Variants in NALF1 observed in about 807,000 individuals in gnomAD.
NALF1 encodes the protein NALCN channel auxiliary factor 1.
Under a neutral mutation model 48.4 loss-of-function variants are expected in NALF1, and 3 were observed. The ratio of observed to expected loss-of-function variants is 0.06; its 90% CI spans 0.03 to 0.16. NALF1 has a LOEUF of 0.16. NALF1 is among the 10% of genes least tolerant of loss of function. The pLI is 1.00. For synonymous variants in NALF1, 262 were observed against 245.7 expected (o/e 1.07, Z -0.62); for missense variants, 526 against 571.5 (o/e 0.92, Z 0.81).
intron 1 of NALF1, among the ~76,000 whole-genome samples, chr13:107,489,627 G>A (rs1251423660): frequency 2.6e-5 from 4 of 152,050 alleles, no homozygotes; most frequent in Non-Finnish European, 5.9e-5. Flanking sequence ...AACTCCAGAT[G>A]GATTAAAGGC....
intron 1 of NALF1, among the ~76,000 whole-genome samples, chr13:107,656,612 G>T (rs142438676): frequency 8.5e-4 from 130 of 152,258 alleles, no homozygotes; most frequent in African/African-American, 3.0e-3. Context: ...ATTCCTTAAA[G>T]AACTAAAAGT....
intron 1 of NALF1, among the ~76,000 whole-genome samples, chr13:107,818,786 G>C (rs1443221155): frequency 1.0e-4 from 14 of 138,288 alleles, no homozygotes; most frequent in African/African-American, 3.9e-4. Context: ...GCAGGAGAAT[G>C]ACGTGAACCC....
At chr13:107,369,116 G>T (rs9587364) in intron 1 of NALF1, among the ~76,000 whole-genome samples, 60,340 of 151,938 alleles carry the variant, frequency 0.4, 12,453 homozygotes, top group East Asian at 0.51. Flanking sequence ...ACTTTTCTTC[G>T]GAATTTCCAT....
intron 1 of NALF1, among the ~76,000 whole-genome samples, chr13:107,823,228 GTTC>G (rs1406644954): frequency 6.6e-6 from 1 of 152,196 alleles, no homozygotes; most frequent in Non-Finnish European, 1.5e-5. Context: ...TCTCTGCGGA[GTTC>G]TTCTTCAACA....
intron 1 of NALF1, among the ~76,000 whole-genome samples, chr13:107,753,506 T>C (rs2138554717): frequency 6.6e-6 from 1 of 152,138 alleles, no homozygotes; most frequent in South Asian, 2.1e-4. Context: ...TTTTTTTTTT[T>C]TTTTATCTTC....
chr13:107,417,452 G>T (rs1489281085), intron 1 of NALF1, among the ~76,000 whole-genome samples: 1 of 152,166 alleles, frequency 6.6e-6, no homozygotes, highest in Non-Finnish European at 1.5e-5. Flanking sequence ...AAATGATCAA[G>T]TGCAGCTTAA....
intron 1 of NALF1, among the ~76,000 whole-genome samples, chr13:107,824,275 T>C (rs896010415): frequency 6.6e-6 from 1 of 152,116 alleles, no homozygotes; most frequent in African/African-American, 2.4e-5. Flanking sequence ...AATTGTCTGA[T>C]TGTTAATATA....
intron 1 of NALF1, among the ~76,000 whole-genome samples, chr13:107,531,503 C>T (rs2139108191): frequency 6.6e-6 from 1 of 152,170 alleles, no homozygotes; most frequent in South Asian, 2.1e-4. Context: ...CCAATTAAAC[C>T]TCTTTGTTTT....
chr13:107,201,785 C>G (rs1401341684), intron 2 of NALF1, among the ~76,000 whole-genome samples: 2 of 152,144 alleles, frequency 1.3e-5, no homozygotes, highest in Admixed American at 6.5e-5. Flanking sequence ...TAAAACATGG[C>G]AAATGTCCCT....
chr13:107,770,179 C>T (rs1877539178), intron 1 of NALF1, among the ~76,000 whole-genome samples: 1 of 152,170 alleles, frequency 6.6e-6, no homozygotes, highest in Admixed American at 6.5e-5. Context: ...TCCCAAAGTG[C>T]TGGAATTACA....
At chr13:107,556,438 T>C (rs183033524) in intron 1 of NALF1, among the ~76,000 whole-genome samples, 6 of 151,914 alleles carry the variant, frequency 3.9e-5, no homozygotes, top group African/African-American at 1.2e-4. Context: ...CTCGAGAACT[T>C]GAGGCCTTGC....
chr13:107,509,853 T>G (rs890499144), intron 1 of NALF1, among the ~76,000 whole-genome samples: 1 of 152,176 alleles, frequency 6.6e-6, no homozygotes, highest in Admixed American at 6.5e-5. Flanking sequence ...TCACCCAGGC[T>G]TGAGTGCAGT....
intron 1 of NALF1, among the ~76,000 whole-genome samples, chr13:107,692,143 A>C (rs1282727890): frequency 6.6e-6 from 1 of 152,210 alleles, no homozygotes; most frequent in Non-Finnish European, 1.5e-5. Flanking sequence ...GATTTATGGA[A>C]CATTCTTATT....
At chr13:107,738,021 C>T (rs781276869) in intron 1 of NALF1, among the ~76,000 whole-genome samples, 1 of 152,090 alleles carries the variant, frequency 6.6e-6, no homozygotes, top group African/African-American at 2.4e-5. Context: ...CAGTTTGATA[C>T]TAAGACACAA....
chr13:107,314,769 A>C (rs975386455), intron 1 of NALF1, among the ~76,000 whole-genome samples: 4 of 152,164 alleles, frequency 2.6e-5, no homozygotes, highest in Non-Finnish European at 4.4e-5. Flanking sequence ...CCTGTTTATT[A>C]ACTGCTAGCA....
chr13:107,396,978 T>C (rs1190136123), intron 1 of NALF1, among the ~76,000 whole-genome samples: 2 of 152,192 alleles, frequency 1.3e-5, no homozygotes, highest in Admixed American at 6.6e-5. Flanking sequence ...CTTAAGATCA[T>C]GGCAGAGGCC....
chr13:107,614,565 T>C (rs1879326613), intron 1 of NALF1, among the ~76,000 whole-genome samples: 1 of 152,166 alleles, frequency 6.6e-6, no homozygotes, highest in Non-Finnish European at 1.5e-5. Context: ...CCTTAGAACA[T>C]TATAAGTGCT....
intron 1 of NALF1, among the ~76,000 whole-genome samples, chr13:107,457,168 T>G (rs1317069957): frequency 6.6e-6 from 1 of 152,180 alleles, no homozygotes; most frequent in Admixed American, 6.5e-5. Flanking sequence ...CTAAAGAACT[T>G]TATTTTCGAA....
intron 1 of NALF1, among the ~76,000 whole-genome samples, chr13:107,737,422 C>T (rs1372557829): frequency 6.6e-6 from 1 of 152,160 alleles, no homozygotes; most frequent in African/African-American, 2.4e-5. Flanking sequence ...GATATTCTCA[C>T]TTGAAAACTA....
Sources: gnomAD v4.1 joint callset for allele counts (sites outside exome capture counted in the v4.1 genomes callset) on GRCh38, gnomAD v4.1.1 for gene constraint, MANE v1.5 for transcripts, NCBI Gene and HGNC (gene_info 2026-07-23, HGNC 2026-07-21) for gene names.